PIAS1: variants seen among roughly 807,000 people sequenced by gnomAD.
PIAS1 encodes the protein E3 SUMO-protein ligase PIAS1.
In PIAS1, 6 loss-of-function variants were observed where a neutral mutation model predicts 71.3. That is an observed-to-expected ratio of 0.08 (90% CI 0.05 to 0.17). The LOEUF is 0.17. PIAS1 is among the 10% of genes least tolerant of loss of function. PIAS1 has a pLI of 1.00. For missense variants in PIAS1, 555 were observed against 793.6 expected, an observed-to-expected ratio of 0.70 and a Z score of 3.61; for synonymous variants, 303 against 292.9, an observed-to-expected ratio of 1.03 and a Z score of -0.35.
intron 2 of PIAS1, among the ~76,000 whole-genome samples, chr15:68,106,450 G>A (rs2092471021): frequency 6.6e-6 from 1 of 151,858 alleles, no homozygotes; most frequent in Non-Finnish European, 1.5e-5. Context: ...TTTTCTGAAT[G>A]GAGAGTTTTG....
At chr15:68,166,252 T>C (rs746172920) in intron 8 of PIAS1, among the ~76,000 whole-genome samples, 3 of 152,020 alleles carry the variant, frequency 2.0e-5, no homozygotes, top group Non-Finnish European at 2.9e-5. Flanking sequence ...TTTATATTAG[T>C]GTTAAAAATT....
chr15:68,168,366 T>C (rs1312039284), intron 8 of PIAS1, among the ~76,000 whole-genome samples: 2 of 152,190 alleles, frequency 1.3e-5, no homozygotes, highest in African/African-American at 4.8e-5. Flanking sequence ...AAGCACGTTT[T>C]ATTGACATTT....
chr15:68,176,285 T>C (rs2141093363), intron 10 of PIAS1, among the ~76,000 whole-genome samples, 189 bp from the exon 11 acceptor site: 1 of 152,278 alleles, frequency 6.6e-6, no homozygotes, highest in African/African-American at 2.4e-5. Flanking sequence ...ATTTATTATT[T>C]TGAAAAATAA....
At chr15:68,113,760 G>A (rs1266653581) in intron 2 of PIAS1, among the ~76,000 whole-genome samples, 1 of 152,050 alleles carries the variant, frequency 6.6e-6, no homozygotes, top group African/African-American at 2.4e-5. Flanking sequence ...GGGCTTATTA[G>A]GAACCTGATA....
chr15:68,135,297 A>G (rs1439653813), intron 2 of PIAS1, among the ~76,000 whole-genome samples: 1 of 17,010 alleles, frequency 5.9e-5, no homozygotes, highest in Non-Finnish European at 2.4e-4. Context: ...GAGGCTCCTC[A>G]CTTCCCAGTA....
chr15:68,166,792 A>G (rs2092960159), intron 8 of PIAS1, among the ~76,000 whole-genome samples: 1 of 152,196 alleles, frequency 6.6e-6, no homozygotes, highest in Non-Finnish European at 1.5e-5. Flanking sequence ...CTGTATTACT[A>G]GAAACTATTA....
chr15:68,129,898 G>A (rs779113216), intron 2 of PIAS1, among the ~76,000 whole-genome samples: 3 of 151,472 alleles, frequency 2.0e-5, no homozygotes, highest in African/African-American at 4.9e-5. Context: ...TTTTCATAAT[G>A]TTCAGGGGTT....
At chr15:68,180,481 C>T (rs1050695219) in intron 11 of PIAS1, among the ~76,000 whole-genome samples, 2 of 151,222 alleles carry the variant, frequency 1.3e-5, no homozygotes, top group Non-Finnish European at 2.9e-5. Context: ...AAAAAAGCTA[C>T]TTAGCTATTT....
At chr15:68,156,153 A>G (rs2141066744) in intron 7 of PIAS1, among the ~76,000 whole-genome samples, 1 of 152,322 alleles carries the variant, frequency 6.6e-6, no homozygotes, top group Non-Finnish European at 1.5e-5. Flanking sequence ...GACACATACC[A>G]TCTCTGCATC....
intron 1 of PIAS1, among the ~76,000 whole-genome samples, chr15:68,078,625 T>C (rs2092195368): frequency 6.6e-6 from 1 of 152,200 alleles, no homozygotes; most frequent in South Asian, 2.1e-4. Flanking sequence ...ATTGTATTAG[T>C]TATGAACTCT....
At chr15:68,108,343 T>G (rs928622984) in intron 2 of PIAS1, among the ~76,000 whole-genome samples, 1 of 152,138 alleles carries the variant, frequency 6.6e-6, no homozygotes, top group Admixed American at 6.6e-5. Flanking sequence ...GATCTGTTAG[T>G]ACTTGACACA....
intron 1 of PIAS1, among the ~76,000 whole-genome samples, chr15:68,077,723 G>A (rs781242195): frequency 3.3e-5 from 5 of 152,284 alleles, no homozygotes; most frequent in South Asian, 4.1e-4. Context: ...GATAGTGTCT[G>A]TAGTTGTTAT....
intron 2 of PIAS1, among the ~76,000 whole-genome samples, chr15:68,092,166 G>A (rs1451934932): frequency 6.6e-6 from 1 of 152,018 alleles, no homozygotes; most frequent in East Asian, 1.9e-4. Context: ...GACTATGAGT[G>A]TTACTTATTT....
At chr15:68,091,339 CTTTG>C (rs998656911) in intron 2 of PIAS1, among the ~76,000 whole-genome samples, 5 of 151,858 alleles carry the variant, frequency 3.3e-5, no homozygotes, top group African/African-American at 1.2e-4. Flanking sequence ...TTTAAATTGG[CTTTG>C]TTAGAACATA....
chr15:68,134,982 C>T (rs2092715092), intron 2 of PIAS1, among the ~76,000 whole-genome samples: 1 of 49,974 alleles, frequency 2.0e-5, no homozygotes, highest in African/African-American at 4.1e-5. Context: ...CCCCCCCCAC[C>T]TCCCTCCCGG....
intron 2 of PIAS1, among the ~76,000 whole-genome samples, chr15:68,090,984 GGA>G (rs1235665090): frequency 7.1e-6 from 1 of 140,058 alleles, no homozygotes; most frequent in African/African-American, 2.6e-5. Flanking sequence ...TCATTTTGAA[GGA>G]GAGGAGAACC....
intron 2 of PIAS1, among the ~76,000 whole-genome samples, chr15:68,088,548 A>C (rs2092306796): frequency 1.3e-5 from 2 of 152,144 alleles, no homozygotes; most frequent in African/African-American, 2.4e-5. Context: ...GCTTAGTGAT[A>C]TGTAAATAGA....
intron 1 of PIAS1, among the ~76,000 whole-genome samples, chr15:68,058,881 T>C (rs1442742748): frequency 6.6e-6 from 1 of 152,164 alleles, no homozygotes; most frequent in Non-Finnish European, 1.5e-5. Flanking sequence ...GATACAACAC[T>C]GTTTTTTATT....
chr15:68,113,926 A>G (rs2092542466), intron 2 of PIAS1, among the ~76,000 whole-genome samples: 1 of 152,090 alleles, frequency 6.6e-6, no homozygotes. Flanking sequence ...AACTTTAGCC[A>G]CAATTTATTG....
Sources: allele counts gnomAD v4.1 joint callset (sites outside exome capture counted in the v4.1 genomes callset), GRCh38; gene constraint gnomAD v4.1.1; transcripts MANE v1.5; gene names NCBI Gene and HGNC (gene_info 2026-07-23, HGNC 2026-07-21).